Variants in BNC2 observed in about 807,000 individuals in gnomAD.
The protein encoded by BNC2 is basonuclin zinc finger protein 2.
In BNC2, 20 loss-of-function variants were observed where a neutral mutation model predicts 76.3. The observed-to-expected ratio is 0.26, with a 90% CI of 0.18 to 0.38. The LOEUF is 0.38. Among genes scored for constraint, BNC2 ranks in the 10% least tolerant of loss-of-function variants. The pLI, the probability that BNC2 is intolerant of heterozygous loss-of-function variation, is 1.00. For missense variants in BNC2, 1,382 were observed against 1,399.8 expected (o/e 0.99, Z 0.20); for synonymous variants, 582 against 514.8 (o/e 1.13, Z -1.77).
chr9:16,507,288 C>T (rs1045764611), intron 5 of BNC2, among the ~76,000 whole-genome samples: 4 of 115,224 alleles, frequency 3.5e-5, no homozygotes, highest in East Asian at 2.9e-4. Flanking sequence ...GACGGAGTCT[C>T]GTTCTGTCGC....
chr9:16,452,772 A>G (rs1412207638), intron 5 of BNC2, among the ~76,000 whole-genome samples: 1 of 152,116 alleles, frequency 6.6e-6, no homozygotes, highest in East Asian at 1.9e-4. Context: ...ATCTTCTGCA[A>G]ATAACTTTTT....
At chr9:16,819,447 G>A (rs1207070920) in intron 1 of BNC2, among the ~76,000 whole-genome samples, 1 of 152,174 alleles carries the variant, frequency 6.6e-6, no homozygotes, top group African/African-American at 2.4e-5. Flanking sequence ...TGGATCACCT[G>A]AGGTCTGGAG....
intron 3 of BNC2, among the ~76,000 whole-genome samples, chr9:16,688,397 A>G (rs976749346): frequency 3.3e-5 from 5 of 152,164 alleles, no homozygotes; most frequent in African/African-American, 1.2e-4. Context: ...TCAGATATCA[A>G]TTGTCTAACC....
intron 5 of BNC2, among the ~76,000 whole-genome samples, chr9:16,471,458 T>C (rs1415919997): frequency 1.3e-5 from 2 of 152,082 alleles, no homozygotes; most frequent in Non-Finnish European, 2.9e-5. Flanking sequence ...CATGCCCAGC[T>C]GATTTTTGTA....
chr9:16,411,373 C>T lies in BNC2; in HGVS notation c.*7616G>A, dbSNP rs1369647276. On this transcript the variant is annotated 3_prime_UTR_variant, in exon 7 of 7. Transcript: ENST00000380672. ...TCTCTCCATTTTTCTTAAAATACTT[C>T]TTTCTGCTCTTCCTTCCCTTCAAAG... is the stretch of plus-strand genomic sequence containing the variant. The T allele has an allele frequency of 6.6e-6, 1 of 152,304 alleles. No homozygotes were observed. The highest frequency in any genetic ancestry group is 1.5e-5 in the Non-Finnish European group (1 of 68,030). The allele number at this position is 152,304 out of a possible 1,614,324, so 9.4% of individuals were successfully genotyped here. A position where few individuals can be genotyped will look rare whatever the true frequency, so the allele number is the denominator to read the frequency against.
intron 6 of BNC2, among the ~76,000 whole-genome samples, chr9:16,421,789 G>A (rs1384343869): frequency 6.6e-6 from 1 of 152,242 alleles, no homozygotes; most frequent in African/African-American, 2.4e-5. Flanking sequence ...GAATGTGGAA[G>A]TAGAGTTACG....
intron 1 of BNC2, among the ~76,000 whole-genome samples, chr9:16,761,164 C>T (rs1425434532): frequency 1.3e-5 from 2 of 152,098 alleles, no homozygotes; most frequent in Non-Finnish European, 2.9e-5. Context: ...AGGAAGCTCA[C>T]TTGAGCCTGG....
chr9:16,778,212 T>C (rs1487403241), intron 1 of BNC2, among the ~76,000 whole-genome samples: 1 of 152,218 alleles, frequency 6.6e-6, no homozygotes, highest in Non-Finnish European at 1.5e-5. Flanking sequence ...ATTACTCTCA[T>C]AATGAGGATA....
At chr9:16,475,852 G>C (rs950468572) in intron 5 of BNC2, 1 of 152,178 alleles carries the variant, frequency 6.6e-6, no homozygotes, top group East Asian at 1.9e-4. Flanking sequence ...CTTTAAGCTG[G>C]AAGGGTTTTC....
chr9:16,532,589 G>A (rs919102211), intron 5 of BNC2, among the ~76,000 whole-genome samples: 3 of 152,128 alleles, frequency 2.0e-5, no homozygotes, highest in Admixed American at 6.5e-5. Context: ...TTGGGAGTTG[G>A]TGGTTCAAAC....
chr9:16,428,546 G>A (rs1162837902), intron 6 of BNC2, among the ~76,000 whole-genome samples: 1 of 152,136 alleles, frequency 6.6e-6, no homozygotes, highest in African/African-American at 2.4e-5. Flanking sequence ...TATACATTAC[G>A]TGGATGAATT....
In BNC2 at chr9:16,416,319, T is replaced by G. The variant is rs1820583470; in HGVS notation, c.*2670A>C. The G allele has an allele frequency of 1.3e-5, 2 of 152,624 alleles. No individual in the cohort carries two copies. Among genetic ancestry groups the G allele is most frequent in the South Asian group, 2.1e-4 (1 of 4,832 alleles). 9.5% of individuals were successfully genotyped at this position (152,624 alleles called of 1,614,324 possible). On this transcript the variant is annotated 3_prime_UTR_variant, in exon 7 of 7. Transcript: ENST00000380672. ...TTTCTATAATGTTTTGTTGGGATAT[T>G]AAAAATCTTTTCCCACCCTTTTTGA...
chr9:16,410,932 C>CA lies in BNC2; in HGVS notation c.*8056dup, dbSNP rs1013731376. ...TAACTCAGCACATTGTCTGGGAGCT[C>CA]AAGAGCATCATACCTCATGAATCAT... On this transcript the variant is annotated 3_prime_UTR_variant, in exon 7 of 7. Transcript: ENST00000380672. 1.1e-4 allele frequency: 16 copies of CA among 152,170 alleles called. No homozygotes were observed. The highest frequency in any genetic ancestry group is 3.6e-4 in the African/African-American group (15 of 41,434). 9.4% of individuals were successfully genotyped at this position (152,170 alleles called of 1,614,324 possible).
At position 16,670,988 on chromosome 9, in the gene BNC2, C is replaced by T. The variant is rs557219153; in HGVS notation, c.330+56809G>A. 9.2e-5 allele frequency among the ~76,000 whole-genome samples: 14 copies of T among 152,250 alleles called. No homozygotes were observed. The South Asian group carries it at 1.4e-3, about 16-fold the overall frequency. The stretch of plus-strand genomic sequence containing the variant: ...GTCATGCTTCCTGACAACCTGAAGA[C>T]GCACATGCACAAGCCAAAAAGTGTG... On this transcript the variant is annotated intron_variant, in intron 3 of 6. Transcript: ENST00000380672.
At chr9:16,478,663 T>C (rs1366554707) in intron 5 of BNC2, among the ~76,000 whole-genome samples, 1 of 152,172 alleles carries the variant, frequency 6.6e-6, no homozygotes, top group East Asian at 1.9e-4. Context: ...AAAGGACCAT[T>C]AGATGTTGTA....
chr9:16,709,869 T>C (rs1461728610), intron 3 of BNC2, among the ~76,000 whole-genome samples: 1 of 152,178 alleles, frequency 6.6e-6, no homozygotes, highest in Non-Finnish European at 1.5e-5. Context: ...GAAAGTGTTT[T>C]AATTAAGATT....
chr9:16,498,616 T>C (rs1822450742), intron 5 of BNC2, among the ~76,000 whole-genome samples: 1 of 151,180 alleles, frequency 6.6e-6, no homozygotes, highest in African/African-American at 2.4e-5. Flanking sequence ...ACTAAAGAAC[T>C]TACTCATGTA....
chr9:16,741,957 CAAA>C (rs35573018), intron 1 of BNC2, among the ~76,000 whole-genome samples: 3 of 79,400 alleles, frequency 3.8e-5, no homozygotes, highest in South Asian at 5.4e-4. Flanking sequence ...GGCTCCATCT[CAAA>C]AAAAAAAAAA....
At chr9:16,489,699 T>C (rs1197289972) in intron 5 of BNC2, among the ~76,000 whole-genome samples, 5 of 152,200 alleles carry the variant, frequency 3.3e-5, no homozygotes, top group Non-Finnish European at 7.3e-5. Context: ...AAAGGCTAAC[T>C]CCATGGCAGG....
Sources: gnomAD v4.1 joint callset for allele counts (sites outside exome capture counted in the v4.1 genomes callset) on GRCh38, gnomAD v4.1.1 for gene constraint, MANE v1.5 for transcripts, NCBI Gene and HGNC (gene_info 2026-07-23, HGNC 2026-07-21) for gene names.